LOXHD1: variants seen among roughly 807,000 people sequenced by gnomAD.
The protein encoded by LOXHD1 is lipoxygenase homology domain-containing protein 1.
LOXHD1 carries 205 observed loss-of-function variants against 248.2 expected under a neutral mutation model. The observed-to-expected ratio is 0.83, with a 90% CI of 0.74 to 0.93. LOXHD1 has a LOEUF of 0.93. Ranked by LOEUF, LOXHD1 falls within the 40% of genes least tolerant of loss-of-function variation. The pLI, the probability that LOXHD1 is intolerant of heterozygous loss-of-function variation, is 0.00. For synonymous variants in LOXHD1, 1,113 were observed against 1,162.8 expected (o/e 0.96, Z 0.87); for missense variants, 2,930 against 2,971.6 (o/e 0.99, Z 0.33).
chr18:46,574,306 G>A (rs1042611027), intron 14 of LOXHD1, among the ~76,000 whole-genome samples: 5 of 151,796 alleles, frequency 3.3e-5, no homozygotes, highest in Non-Finnish European at 7.4e-5. Flanking sequence ...TTCAGAGTGA[G>A]ATGTTGCTAA....
intron 34 of LOXHD1, among the ~76,000 whole-genome samples, chr18:46,510,572 T>C (rs2034897623): frequency 6.6e-6 from 1 of 152,204 alleles, no homozygotes; most frequent in Non-Finnish European, 1.5e-5. Context: ...ATGATACTGC[T>C]GATAAGGCCC....
intron 4 of LOXHD1, among the ~76,000 whole-genome samples, chr18:46,624,139 G>A (rs1040181664): frequency 1.3e-5 from 2 of 152,188 alleles, no homozygotes; most frequent in South Asian, 2.1e-4. Context: ...GCAGGTGAGG[G>A]TGAGGAGGGG....
chr18:46,604,566 C>T (rs2038385884), intron 6 of LOXHD1, among the ~76,000 whole-genome samples: 1 of 152,218 alleles, frequency 6.6e-6, no homozygotes, highest in Non-Finnish European at 1.5e-5. Flanking sequence ...GATTTGCAAA[C>T]TGTGACAATA....
At chr18:46,548,754 GAC>G (rs1234916745) in intron 21 of LOXHD1, among the ~76,000 whole-genome samples, 1 of 152,114 alleles carries the variant, frequency 6.6e-6, no homozygotes, top group African/African-American at 2.4e-5. Flanking sequence ...GACAGAACGA[GAC>G]ACACACAAAG....
At position 46,490,209 on chromosome 18, in the gene LOXHD1, TTA is replaced by T. The variant is rs1309934816; in HGVS notation, c.5879-1069_5879-1068del. Reference sequence around the variant, plus strand: ...GGTTTGGCAGGTTACTTGCTGCTCATTATATGTCCGCAAGGAAACTCCAAGTG... The same window carrying T: ...GGTTTGGCAGGTTACTTGCTGCTCATTATGTCCGCAAGGAAACTCCAAGTG... On this transcript the variant is annotated intron_variant, in intron 37 of 40. Transcript: ENST00000642948. 1.4e-4 allele frequency among the ~76,000 whole-genome samples: 21 copies of T among 152,206 alleles called. 1 individual carries two copies. Among genetic ancestry groups the T allele is most frequent in the Admixed American group, 1.3e-3 (20 of 15,282 alleles).
At chr18:46,578,773 C>T (rs573336604) in intron 13 of LOXHD1, among the ~76,000 whole-genome samples, 14 of 152,380 alleles carry the variant, frequency 9.2e-5, no homozygotes, top group African/African-American at 3.1e-4. Context: ...TCAGCATCCA[C>T]TGTGTGCTGT....
At chr18:46,600,684 C>T (rs1450173390) in intron 8 of LOXHD1, among the ~76,000 whole-genome samples, 4 of 151,932 alleles carry the variant, frequency 2.6e-5, no homozygotes, top group South Asian at 2.1e-4. Flanking sequence ...TATACATAGA[C>T]AAAATTCATA....
chr18:46,613,618 T>C (rs534507239), intron 5 of LOXHD1, among the ~76,000 whole-genome samples: 6 of 152,306 alleles, frequency 3.9e-5, no homozygotes, highest in Non-Finnish European at 8.8e-5. Flanking sequence ...GTAGCTGGAC[T>C]ATTTCTTTTG....
In LOXHD1 at chr18:46,656,996, A is replaced by AT. The variant is rs762651261; in HGVS notation, c.37dup (p.Ile13AsnfsTer34). ...CGCTTCGTACAGGGCCAGGAAGTCGATGTCCTTCTTCCTCCGCCTTTTCTT... is the reference window on the plus strand; with the variant it reads ...CGCTTCGTACAGGGCCAGGAAGTCGATTGTCCTTCTTCCTCCGCCTTTTCTT... On this transcript the variant is annotated frameshift_variant, in exon 1 of 41. Coordinates refer to ENST00000642948, the MANE Select transcript of LOXHD1 (RefSeq NM_001384474.1). LOFTEE classifies it high-confidence loss of function. 3.2e-6 allele frequency: 5 copies of AT among 1,551,522 alleles called. No individual in the cohort carries two copies. Among genetic ancestry groups the AT allele is most frequent in the Non-Finnish European group, 4.4e-6 (5 of 1,146,906 alleles).
chr18:46,516,164 C>T (rs1480897498), intron 34 of LOXHD1, among the ~76,000 whole-genome samples: 4 of 152,166 alleles, frequency 2.6e-5, no homozygotes, highest in Non-Finnish European at 4.4e-5. Flanking sequence ...CCCAGTTCCC[C>T]TACTTACTTG....
Position 46,591,977 on chromosome 18 carries a change from C to T in LOXHD1, c.1610G>A (p.Arg537Lys), listed in dbSNP as rs1241227633. 6 of 1,551,934 alleles carry T rather than the reference C, an allele frequency of 3.9e-6. No individual in the cohort carries two copies. The South Asian group carries it at 5.9e-5, about 15-fold the overall frequency. ...TGTTGGGCCTTCTGCAGTCATTTCCCTCACTATCTCATTGTCATCCTCATT... is the reference window on the plus strand; with the variant it reads ...TGTTGGGCCTTCTGCAGTCATTTCCTTCACTATCTCATTGTCATCCTCATT... ...DANEDDNEIV[R>K]EMTAEGPTVR... Residue 537 changes from arginine to lysine, a missense_variant, in exon 12 of 41, where the codon AGG becomes AAG. Physicochemically the swap from Arg to Lys is conservative, Grantham distance 26. Coordinates refer to ENST00000642948, the MANE Select transcript of LOXHD1 (RefSeq NM_001384474.1).
Position 46,657,122 on chromosome 18 carries a change from G to A in LOXHD1, c.-89C>T, listed in dbSNP as rs923510108. 3.2e-6 allele frequency: 5 copies of A among 1,543,132 alleles called. No homozygotes were observed. The highest frequency in any genetic ancestry group is 3.5e-6 in the Non-Finnish European group (4 of 1,143,322). Reference sequence around the variant, plus strand: ...ACCTGAGACCTCCTCCCTGAGCTCTGGCGCCCACGGCCCTCCTATAGCTCA... The same window carrying A: ...ACCTGAGACCTCCTCCCTGAGCTCTAGCGCCCACGGCCCTCCTATAGCTCA... On this transcript the variant is annotated 5_prime_UTR_variant, in exon 1 of 41. Coordinates refer to ENST00000642948, the MANE Select transcript of LOXHD1 (RefSeq NM_001384474.1).
rs771185362 is a variant in LOXHD1, at chr18:46,509,741, C to T, written c.5474G>A (p.Arg1825Gln). The change falls in exon 35 of 41, where the codon CGG becomes CAG. Residue 1825 changes from arginine (R) to glutamine (Q), a missense_variant. Coordinates refer to ENST00000642948, the MANE Select transcript of LOXHD1 (RefSeq NM_001384474.1). ...DIAPFTKMRI[R>Q]IDGLGSRPEW... is the part of the protein sequence containing the mutation. Reference sequence around the variant, plus strand: ...CGGCCGACTGCCCAGGCCATCAATCCGGATCCGCATCTTGGTGAATGGAGC... The same window carrying T: ...CGGCCGACTGCCCAGGCCATCAATCTGGATCCGCATCTTGGTGAATGGAGC... 26 of 1,551,486 alleles carry T rather than the reference C, an allele frequency of 1.7e-5. No homozygotes were observed. The highest frequency in any genetic ancestry group is 8.2e-5 in the African/African-American group (6 of 73,018).
rs147698845 is a variant in LOXHD1 at position 46,521,647 on chromosome 18, A to ACCCC, written c.5086-369_5086-366dup. Among the ~76,000 whole-genome samples the ACCCC allele has an allele frequency of 4.1e-4, 63 of 152,138 alleles. No individual in the cohort carries two copies. In the East Asian group the frequency reaches 9.9e-3, roughly 24 times the overall value. On this transcript the variant is annotated intron_variant, in intron 32 of 40. Coordinates refer to ENST00000642948, the MANE Select transcript of LOXHD1 (RefSeq NM_001384474.1). ...TGAGAGATGAAGTCCTCAGTCCTAC[A>ACCCC]CCCCCAAGAAAATGGATTCTGCCAA... is the stretch of plus-strand genomic sequence containing the variant.
At chr18:46,548,039 C>T (rs1309557057) in intron 21 of LOXHD1, among the ~76,000 whole-genome samples, 1 of 152,154 alleles carries the variant, frequency 6.6e-6, no homozygotes, top group Non-Finnish European at 1.5e-5. Flanking sequence ...TATAAAAATG[C>T]CTGGCTCAAT....
In LOXHD1 at chr18:46,503,750, C is replaced by A. The variant is rs558766455; in HGVS notation, c.5878+2088G>T. ...TCAAGTGAGGAAGAAGAGTTCCCTT[C>A]CACTGCATGCTTTTCTGGACAAGAC... On this transcript the variant is annotated intron_variant, in intron 37 of 40. Coordinates refer to ENST00000642948, the MANE Select transcript of LOXHD1 (RefSeq NM_001384474.1). Among the ~76,000 whole-genome samples, 13 of 152,314 alleles carry A rather than the reference C, an allele frequency of 8.5e-5. 1 individual carries two copies. The South Asian group carries it at 2.7e-3, about 32-fold the overall frequency.
intron 37 of LOXHD1, among the ~76,000 whole-genome samples, chr18:46,492,940 C>A (rs1275361069): frequency 1.3e-5 from 2 of 152,158 alleles, no homozygotes; most frequent in Non-Finnish European, 2.9e-5. Flanking sequence ...TCATATTAAT[C>A]TTTTAAAATG....
chr18:46,615,320 G>A (rs2038570529), intron 5 of LOXHD1, among the ~76,000 whole-genome samples: 2 of 152,336 alleles, frequency 1.3e-5, no homozygotes, highest in African/African-American at 4.8e-5. Context: ...TGCCCTGCAA[G>A]ATCCTCCTGG....
intron 34 of LOXHD1, among the ~76,000 whole-genome samples, chr18:46,515,401 C>T (rs1384183540): frequency 6.6e-6 from 1 of 152,062 alleles, no homozygotes; most frequent in African/African-American, 2.4e-5. Flanking sequence ...CGGGTAACAG[C>T]CCTGAGCTTG....
Sources: allele counts gnomAD v4.1 joint callset (sites outside exome capture counted in the v4.1 genomes callset), GRCh38; gene constraint gnomAD v4.1.1; transcripts MANE v1.5; gene names NCBI Gene and HGNC (gene_info 2026-07-23, HGNC 2026-07-21).